Variants in TSNARE1 observed in about 807,000 individuals in gnomAD.
The protein encoded by TSNARE1 is t-SNARE domain-containing protein 1.
A neutral mutation model predicts 62.0 loss-of-function variants in TSNARE1; 49 were observed. The observed-to-expected ratio is 0.79, with a 90% confidence interval of 0.63 to 1.00. The LOEUF (loss-of-function observed/expected upper bound fraction) is 1.00. TSNARE1 is among the 50% of genes least tolerant of loss of function. The pLI is 0.00. For missense variants in TSNARE1, 755 were observed against 700.1 expected, an observed-to-expected ratio of 1.08 and a Z score of -0.88; for synonymous variants, 328 against 294.4, an observed-to-expected ratio of 1.11 and a Z score of -1.17.
rs986167806 is a variant in TSNARE1 at position 142,212,610 on chromosome 8, C to T, written c.*12-297G>A. ...TCCTTCCTGGCCGCATCCATGTGCC[C>T]AGGCTGCGGACTCCTGCAGCTAGAG... On this transcript the variant is annotated intron_variant, in intron 13 of 13. Transcript: ENST00000524325. Among the ~76,000 whole-genome samples, 5 of 152,158 alleles carry T rather than the reference C, an allele frequency of 3.3e-5. No individual in the cohort carries two copies. The South Asian group carries it at 1.0e-3, about 32-fold the overall frequency.
Position 142,270,917 on chromosome 8 carries a change from A to T in TSNARE1, c.1446+3864T>A, listed in dbSNP as rs567863951. 4 of 985,556 alleles carry T rather than the reference A, an allele frequency of 4.1e-6. No individual in the cohort carries two copies. The Admixed American group carries it at 2.5e-4, about 61-fold the overall frequency. 61.1% of individuals were successfully genotyped at this position (985,556 alleles called of 1,614,324 possible). A position where few individuals can be genotyped will look rare whatever the true frequency, so the allele number is the denominator to read the frequency against. On this transcript the variant is annotated intron_variant, in intron 12 of 13. Transcript: ENST00000524325. Reference sequence around the variant, plus strand: ...CTACAGGCAATGGCAAGGACGCGACATCACAGGTAGACAGCCCACATCCTC... The same window carrying T: ...CTACAGGCAATGGCAAGGACGCGACTTCACAGGTAGACAGCCCACATCCTC...
chr8:142,256,710 C>A (rs1023609668), intron 12 of TSNARE1, among the ~76,000 whole-genome samples: 1 of 152,134 alleles, frequency 6.6e-6, no homozygotes, highest in Non-Finnish European at 1.5e-5. Flanking sequence ...TACAGGAGAG[C>A]GCAATGAGGA....
At chr8:142,399,751 G>A (rs945933119) in intron 1 of TSNARE1, among the ~76,000 whole-genome samples, 4 of 152,212 alleles carry the variant, frequency 2.6e-5, no homozygotes, top group African/African-American at 7.2e-5. Context: ...GGCTGCTCAG[G>A]AGTCTGCTAC....
chr8:142,293,531 GC>G (rs1413776629), intron 10 of TSNARE1, among the ~76,000 whole-genome samples: 5 of 152,226 alleles, frequency 3.3e-5, no homozygotes, highest in African/African-American at 1.2e-4. Context: ...GGAGAGACCT[GC>G]CCAGGGTCAC....
intron 13 of TSNARE1, among the ~76,000 whole-genome samples, chr8:142,228,077 G>A (rs945277937): frequency 4.6e-5 from 7 of 152,160 alleles, no homozygotes; most frequent in East Asian, 1.9e-4. Flanking sequence ...TCAGCCACAC[G>A]CAGATCCAGC....
intron 12 of TSNARE1, among the ~76,000 whole-genome samples, chr8:142,230,114 A>T (rs183968642): frequency 2.0e-4 from 31 of 152,332 alleles, no homozygotes; most frequent in Non-Finnish European, 2.6e-4. Context: ...CAAAGGTCTC[A>T]TGGAAGAGAA....
chr8:142,332,863 G>A (rs776968425), intron 4 of TSNARE1, among the ~76,000 whole-genome samples: 3 of 152,204 alleles, frequency 2.0e-5, no homozygotes, highest in African/African-American at 4.8e-5. Context: ...AGAAGCTCCT[G>A]AAGAGCACTC....
intron 13 of TSNARE1, among the ~76,000 whole-genome samples, chr8:142,217,244 A>AAAAATAAAATAATAAAAT (rs1437322758): frequency 6.6e-6 from 1 of 151,258 alleles, no homozygotes; most frequent in Non-Finnish European, 1.5e-5. Context: ...ACTCTGTCTC[A>AAAAATAAAATAATAAAAT]AAAATAAAAT....
intron 9 of TSNARE1, among the ~76,000 whole-genome samples, chr8:142,314,177 G>A (rs1363666726): frequency 6.6e-6 from 1 of 152,268 alleles, no homozygotes; most frequent in East Asian, 1.9e-4. Context: ...ACCGTCCGCA[G>A]TCATTCTTTG....
chr8:142,227,053 G>GAACCCCCACT (rs1816832934), intron 13 of TSNARE1, among the ~76,000 whole-genome samples: 1 of 78,404 alleles, frequency 1.3e-5, no homozygotes, highest in Non-Finnish European at 2.5e-5. Flanking sequence ...GTGACAGCCA[G>GAACCCCCACT]GCCCCCCACT....
At chr8:142,283,471 G>C (rs1204235548) in intron 11 of TSNARE1, among the ~76,000 whole-genome samples, 10 of 149,928 alleles carry the variant, frequency 6.7e-5, no homozygotes, top group African/African-American at 2.5e-4. Context: ...TCAATGAACA[G>C]AGGCGGGGCC....
chr8:142,270,219 A>G, intron 12 of TSNARE1: 1 of 985,264 alleles, frequency 1.0e-6, no homozygotes, highest in Non-Finnish European at 1.2e-6. Flanking sequence ...CAGCCCCGCC[A>G]AGGGATCTCC....
At chr8:142,278,046 T>C in intron 11 of TSNARE1, 9 of 985,296 alleles carry the variant, frequency 9.1e-6, no homozygotes, top group Non-Finnish European at 1.1e-5. Context: ...GATCCAGCCA[T>C]CCCTGGCCTG....
intron 1 of TSNARE1, among the ~76,000 whole-genome samples, chr8:142,365,673 G>GACA (rs1480720667): frequency 6.6e-6 from 1 of 151,808 alleles, no homozygotes; most frequent in African/African-American, 2.4e-5. Context: ...CAAATGAGGG[G>GACA]ACATGTTAAC....
At chr8:142,295,020 C>T (rs1382407280) in intron 10 of TSNARE1, among the ~76,000 whole-genome samples, 1 of 152,218 alleles carries the variant, frequency 6.6e-6, no homozygotes, top group East Asian at 1.9e-4. Flanking sequence ...CGGACCAGCA[C>T]CAGGGGCTAC....
chr8:142,237,685 C>T (rs972724024), intron 12 of TSNARE1, among the ~76,000 whole-genome samples: 2 of 152,242 alleles, frequency 1.3e-5, no homozygotes, highest in African/African-American at 4.8e-5. Context: ...CTTCCCAGAG[C>T]TCGGACGGGC....
chr8:142,228,215 CAGAAACTGTG>C (rs1816930741), intron 13 of TSNARE1, among the ~76,000 whole-genome samples: 2 of 152,246 alleles, frequency 1.3e-5, no homozygotes. Flanking sequence ...TCTTGACTCA[CAGAAACTGTG>C]AGATAACAAA....
intron 12 of TSNARE1, among the ~76,000 whole-genome samples, chr8:142,255,807 C>G (rs1818453946): frequency 2.4e-5 from 3 of 127,634 alleles, no homozygotes; most frequent in African/African-American, 8.9e-5. Flanking sequence ...TCACCACCAC[C>G]ACCACTGTCA....
intron 12 of TSNARE1, among the ~76,000 whole-genome samples, chr8:142,271,867 C>A (rs544684013): frequency 2.3e-4 from 35 of 152,106 alleles, no homozygotes; most frequent in Non-Finnish European, 4.4e-4. Flanking sequence ...AGGAAACAGA[C>A]CCAGAGAGGT....
Sources: allele counts gnomAD v4.1 joint callset (sites outside exome capture counted in the v4.1 genomes callset), GRCh38; gene constraint gnomAD v4.1.1; transcripts MANE v1.5; gene names NCBI Gene and HGNC (gene_info 2026-07-23, HGNC 2026-07-21).